The following CFHR5 variants were observed in gnomAD, a reference collection of about 807,000 sequenced individuals.
CFHR5 encodes the protein complement factor H-related protein 5.
Under a neutral mutation model 62.9 loss-of-function variants are expected in CFHR5, and 73 were observed. The ratio of observed to expected loss-of-function variants is 1.16; its 90% CI spans 0.96 to 1.41. The LOEUF (loss-of-function observed/expected upper bound fraction) is 1.41. CFHR5 is among the 40% of genes most tolerant of loss of function. The pLI is 0.00. For synonymous variants in CFHR5, 249 were observed against 227.2 expected (o/e 1.10, Z -0.86); for missense variants, 779 against 679.9 (o/e 1.15, Z -1.62).
In CFHR5 at chr1:196,995,702, G is replaced by A. The variant is rs1163159922; in HGVS notation, c.608-15G>A. 1.2e-6 allele frequency: 2 copies of A among 1,606,560 alleles called. No individual in the cohort carries two copies. Among genetic ancestry groups the A allele is most frequent in the Non-Finnish European group, 1.7e-6 (2 of 1,173,544 alleles). ...TAAGACCATTTAAGCATTATTTATG[G>A]TTTCTTTATAATAGGACAAGTACGA... On this transcript the variant is annotated splice_polypyrimidine_tract_variant and intron_variant, in intron 4 of 9. Coordinates refer to ENST00000256785, the MANE Select transcript of CFHR5 (RefSeq NM_030787.4).
Position 196,995,880 on chromosome 1 carries a change from A to G in CFHR5, c.771A>G (p.Thr257=), listed in dbSNP as rs370378714. 8.7e-6 allele frequency: 14 copies of G among 1,613,022 alleles called. No homozygotes were observed. Among genetic ancestry groups the G allele is most frequent in the Non-Finnish European group, 1.0e-5 (12 of 1,179,264 alleles). The change falls in exon 5 of 10, where the codon ACA becomes ACG. Residue 257 remains threonine, a synonymous_variant. Transcript: ENST00000256785. ...TACAATGTGTGGATGGAGAATGGAC[A>G]ACTTTACCCACTTGTGTTGGTAAAT... ...KKIQCVDGEW[T]TLPTCVEQVK...
intron 3 of CFHR5, among the ~76,000 whole-genome samples, chr1:196,984,846 T>C (rs1057193721): frequency 4.6e-5 from 7 of 152,138 alleles, no homozygotes; most frequent in Non-Finnish European, 8.8e-5. Flanking sequence ...CTGGCCACCA[T>C]AGTCACCAAG....
chr1:196,986,094 A>G (rs191542798), intron 3 of CFHR5, among the ~76,000 whole-genome samples: 1 of 152,358 alleles, frequency 6.6e-6, no homozygotes, highest in East Asian at 1.9e-4. Context: ...CCAAAGTGAA[A>G]GAATTCAGCA....
chr1:196,992,517 C>T (rs978586855), intron 3 of CFHR5, among the ~76,000 whole-genome samples: 3 of 152,172 alleles, frequency 2.0e-5, no homozygotes, highest in African/African-American at 7.2e-5. Context: ...TTGGCTCCCC[C>T]TCCATGGACT....
Position 196,996,083 on chromosome 1 carries a change from C to G in CFHR5, c.852C>G (p.Val284=), listed in dbSNP as rs1438592130. 1 of 1,613,580 alleles carries G rather than the reference C, an allele frequency of 6.2e-7. No individual in the cohort carries two copies. Among genetic ancestry groups the G allele is most frequent in the South Asian group, 1.1e-5 (1 of 91,080 alleles). Residue 284 remains valine (V), a synonymous_variant, in exon 6 of 10, where the codon GTC becomes GTG. Coordinates refer to ENST00000256785, the MANE Select transcript of CFHR5 (RefSeq NM_030787.4). ...AGTACGGTTATGTTCAGCCGTCTGT[C>G]CCTCCCTATCAACATGGAGTTTCAG... ...ELEYGYVQPS[V]PPYQHGVSVE... is the part of the protein sequence containing the mutation.
intron 1 of CFHR5, among the ~76,000 whole-genome samples, chr1:196,980,858 C>T (rs1021711187): frequency 6.6e-6 from 1 of 151,506 alleles, no homozygotes; most frequent in Non-Finnish European, 1.5e-5. Flanking sequence ...TTCTGGATAG[C>T]GAAGAATATG....
chr1:196,982,384 C>T (rs1653565126), intron 1 of CFHR5, among the ~76,000 whole-genome samples: 1 of 152,040 alleles, frequency 6.6e-6, no homozygotes, highest in African/African-American at 2.4e-5. Flanking sequence ...TAACAATGAC[C>T]TCGTCGGTCC....
In CFHR5 at chr1:196,983,997, C is replaced by G; in HGVS notation, c.290C>G (p.Ser97Cys). The G allele has an allele frequency of 6.2e-7, 1 of 1,611,902 alleles. No individual in the cohort carries two copies. Among genetic ancestry groups the G allele is most frequent in the Non-Finnish European group, 8.5e-7 (1 of 1,178,638 alleles). Reference sequence around the variant, plus strand: ...TTTCCTTTTGTGAAAAATGGTCATTCTGAATCTTCAGGACTAATACATCTG... The same window carrying G: ...TTTCCTTTTGTGAAAAATGGTCATTGTGAATCTTCAGGACTAATACATCTG... Reference protein sequence around the residue: ...CSFPFVKNGHSESSGLIHLEG... With the variant: ...CSFPFVKNGHCESSGLIHLEG... The change falls in exon 3 of 10, where the codon TCT (serine) becomes TGT (cysteine). Residue 97 changes from serine (S) to cysteine (C), a missense_variant. Transcript: ENST00000256785.
chr1:196,980,991 C>T (rs1653527431), intron 1 of CFHR5, among the ~76,000 whole-genome samples: 1 of 152,052 alleles, frequency 6.6e-6, no homozygotes. Flanking sequence ...CCCTCAGTAT[C>T]TTCTCCAAAA....
At chr1:196,993,630 T>C (rs1039378315) in intron 3 of CFHR5, among the ~76,000 whole-genome samples, 7 of 152,136 alleles carry the variant, frequency 4.6e-5, no homozygotes, top group African/African-American at 1.7e-4. Flanking sequence ...ATTTTTTTTA[T>C]TTGACAAAAA....
intron 3 of CFHR5, among the ~76,000 whole-genome samples, chr1:196,992,635 C>T (rs536691292): frequency 1.3e-5 from 2 of 152,312 alleles, no homozygotes; most frequent in South Asian, 2.1e-4. Flanking sequence ...CAGACCAGAG[C>T]TGTTCCTATT....
Position 196,998,137 on chromosome 1 carries a change from A to G in CFHR5, c.980A>G (p.Gln327Arg), listed in dbSNP as rs1369429921. The G allele has an allele frequency of 6.5e-7, 1 of 1,542,116 alleles. No homozygotes were observed. Among genetic ancestry groups the G allele is most frequent in the East Asian group, 2.4e-5 (1 of 41,022 alleles). Residue 327 changes from glutamine (Q) to arginine (R), a missense_variant, in exon 7 of 10, where the codon CAA becomes CGA. Gln to Arg is a conservative substitution (Grantham distance 43). Coordinates refer to ENST00000256785, the MANE Select transcript of CFHR5 (RefSeq NM_030787.4). ...ATATTATTTTTTATAGCAACACACCAACTTAAGAGGTGCAAAATAGCAGGA... is the reference window on the plus strand; with the variant it reads ...ATATTATTTTTTATAGCAACACACCGACTTAAGAGGTGCAAAATAGCAGGA... ...TELPMCVATHQLKRCKIAGVN... is the reference protein window; with the variant it reads ...TELPMCVATHRLKRCKIAGVN...
At chr1:196,986,291 C>A (rs116067538) in intron 3 of CFHR5, among the ~76,000 whole-genome samples, 2,039 of 152,080 alleles carry the variant, frequency 0.013, 38 homozygotes, top group African/African-American at 0.045. Flanking sequence ...GCCGTTATTC[C>A]ATTTACAACA....
At chr1:196,982,846 T>C in intron 1 of CFHR5, 39 bp from the exon 2 acceptor site, 1 of 1,554,392 alleles carries the variant, frequency 6.4e-7, no homozygotes. Context: ...TCGATGTAGC[T>C]CTTTATTTAA....
At position 196,996,149 on chromosome 1, in the gene CFHR5, T is replaced by C. The variant is rs766223951; in HGVS notation, c.918T>C (p.Asn306=). The C allele has an allele frequency of 1.2e-6, 2 of 1,613,450 alleles. No individual in the cohort carries two copies. Among genetic ancestry groups the C allele is most frequent in the Non-Finnish European group, 1.7e-6 (2 of 1,179,448 alleles). ...GAAATGAATATGCAATGATTGGAAA[T>C]AACATGATTACCTGTATTAATGGAA... ...NCRNEYAMIG[N]NMITCINGIW... The change falls in exon 6 of 10, where the codon AAT becomes AAC. Residue 306 remains asparagine, a synonymous_variant. Transcript: ENST00000256785.
At chr1:197,003,676 G>A (rs1456788448) in intron 8 of CFHR5, among the ~76,000 whole-genome samples, 2 of 151,972 alleles carry the variant, frequency 1.3e-5, no homozygotes, top group Non-Finnish European at 2.9e-5. Context: ...GTAAGTAATT[G>A]CAGTGTGTTC....
At chr1:196,993,966 G>A in intron 3 of CFHR5, 114 bp from the exon 4 acceptor site, 1 of 812,822 alleles carries the variant, frequency 1.2e-6, no homozygotes, top group Non-Finnish European at 2.0e-6. Context: ...TCGAAGGCAA[G>A]AATATATTTT....
At chr1:196,981,863 T>C (rs115399032) in intron 1 of CFHR5, among the ~76,000 whole-genome samples, 2,042 of 152,166 alleles carry the variant, frequency 0.013, 39 homozygotes, top group African/African-American at 0.044. Flanking sequence ...GTATTTTTAA[T>C]TGCATTGTTT....
intron 3 of CFHR5, among the ~76,000 whole-genome samples, chr1:196,985,078 T>C (rs1175010758): frequency 6.6e-6 from 1 of 152,172 alleles, no homozygotes; most frequent in East Asian, 1.9e-4. Context: ...TTTTCTAAAT[T>C]TTTTTTCAGT....
Sources: gnomAD v4.1 joint callset for allele counts (sites outside exome capture counted in the v4.1 genomes callset) on GRCh38, gnomAD v4.1.1 for gene constraint, MANE v1.5 for transcripts, NCBI Gene and HGNC (gene_info 2026-07-23, HGNC 2026-07-21) for gene names.